EPB41L1: variants seen among roughly 807,000 people sequenced by gnomAD.
EPB41L1 encodes the protein band 4.1-like protein 1.
In EPB41L1, 29 loss-of-function variants were observed where a neutral mutation model predicts 97.8. The ratio of observed to expected loss-of-function variants is 0.30; its 90% CI spans 0.22 to 0.40. The LOEUF is 0.40. EPB41L1 is among the 10% of genes least tolerant of loss of function. The pLI, the probability that EPB41L1 is intolerant of heterozygous loss-of-function variation, is 1.00. For synonymous variants in EPB41L1, 383 were observed against 459.2 expected (o/e 0.83, Z 2.12); for missense variants, 812 against 1,162.3 (o/e 0.70, Z 4.38).
At chr20:36,174,488 G>A (rs1485733453) in intron 2 of EPB41L1, among the ~76,000 whole-genome samples, 1 of 152,020 alleles carries the variant, frequency 6.6e-6, no homozygotes, top group Admixed American at 6.6e-5. Flanking sequence ...GGCCAGGCTG[G>A]TCTCAAACTC....
rs2064532231 is a variant in EPB41L1, at chr20:36,232,457, CT to C, written c.*3120del. On this transcript the variant is annotated 3_prime_UTR_variant, in exon 22 of 22. Transcript: ENST00000338074. ...AGATGCTCTCCAGGGTCTTTTTCTACTTTGCTATCTCATGGGTCTTCATTTT... is the reference window on the plus strand; with the variant it reads ...AGATGCTCTCCAGGGTCTTTTTCTACTTGCTATCTCATGGGTCTTCATTTT... 2.5e-6 allele frequency: 1 copy of C among 397,252 alleles called. No homozygotes were observed. The highest frequency in any genetic ancestry group is 4.4e-6 in the Non-Finnish European group (1 of 225,512). 24.6% of individuals were successfully genotyped at this position (397,252 alleles called of 1,614,324 possible).
intron 1 of EPB41L1, among the ~76,000 whole-genome samples, chr20:36,172,943 C>T (rs1211257919): frequency 6.6e-6 from 1 of 152,212 alleles, no homozygotes; most frequent in Admixed American, 6.5e-5. Flanking sequence ...GCCATTCTCT[C>T]TCTCTCTTTC....
At chr20:36,208,958 C>T (rs2062979332) in intron 14 of EPB41L1, among the ~76,000 whole-genome samples, 2 of 152,220 alleles carry the variant, frequency 1.3e-5, no homozygotes, top group Non-Finnish European at 2.9e-5. Context: ...ATGCTGACCC[C>T]TCCCCCGGAG....
rs1600871624 is a variant in EPB41L1, at chr20:36,195,344, A to C, written c.1465A>C (p.Thr489Pro). ...IKELKPEQETTPRHKQEFLDK... is the reference protein window; with the variant it reads ...IKELKPEQETPPRHKQEFLDK... ...ATCCCACTAGCCGGAGCAGGAAACC[A>C]CGCCGAGACACAAGCAGGAGGTACT... Residue 489 changes from threonine (T) to proline (P), a missense_variant, in exon 13 of 22, where the codon ACG becomes CCG. Thr to Pro is a conservative substitution (Grantham distance 38, BLOSUM62 -1). Around this residue, in one of 3 missense-constraint regions of EPB41L1, gnomAD observed 498 missense variants for 622.7 expected, o/e 0.80. Transcript: ENST00000338074. The surrounding 1 kb of genome is among the most constrained non-coding windows in gnomAD (Gnocchi z 4.6). The C allele has an allele frequency of 1.2e-6, 2 of 1,613,692 alleles. No individual in the cohort carries two copies. The highest frequency in any genetic ancestry group is 4.5e-5 in the East Asian group (2 of 44,842).
At position 36,101,718 on chromosome 20, in the gene EPB41L1, C is replaced by G. The variant is rs143169172; in HGVS notation, c.-65+10106C>G. On this transcript the variant is annotated intron_variant, in intron 1 of 19. Transcript: ENST00000202028. The stretch of plus-strand genomic sequence containing the variant: ...GAGCATGCTAAAAAGCAAAATAAAA[C>G]AAAACAAAACCTGTGTGCCATGGCT... Among the ~76,000 whole-genome samples, 626 of 152,156 alleles carry G rather than the reference C, an allele frequency of 4.1e-3. 6 individuals are homozygous for G. The highest frequency in any genetic ancestry group is 0.014 in the African/African-American group (582 of 41,518).
intron 1 of EPB41L1, among the ~76,000 whole-genome samples, chr20:36,106,792 A>T (rs1569020883): frequency 6.6e-6 from 1 of 152,234 alleles, no homozygotes. Context: ...ACATGTGGCT[A>T]GTGGACATGT....
intron 2 of EPB41L1, among the ~76,000 whole-genome samples, chr20:36,122,955 C>T (rs1443109111): frequency 1.3e-5 from 2 of 152,082 alleles, no homozygotes; most frequent in Non-Finnish European, 2.9e-5. Context: ...GACCCTTGCT[C>T]GCTTCCTGGA....
At chr20:36,188,631 CACACACACACAGAGAGAGAG>C (rs2061795389) in intron 9 of EPB41L1, 132 bp downstream of exon 9, 5 of 640,086 alleles carry the variant, frequency 7.8e-6, no homozygotes, top group Non-Finnish European at 7.2e-6. Context: ...CACACACACA[CACACACACACAGAGAGAGAG>C]AGAGAGAGAG....
At chr20:36,124,746 T>C (rs2058893460) in intron 2 of EPB41L1, among the ~76,000 whole-genome samples, 1 of 152,166 alleles carries the variant, frequency 6.6e-6, no homozygotes, top group Admixed American at 6.5e-5. Context: ...TGGCGCACAG[T>C]AGGTATTCAA....
intron 1 of EPB41L1, among the ~76,000 whole-genome samples, chr20:36,163,535 G>GAAACC (rs2060616851): frequency 6.6e-6 from 1 of 152,166 alleles, no homozygotes; most frequent in Admixed American, 6.6e-5. Context: ...GCATCAGGTG[G>GAAACC]TGGATCAGTC....
In EPB41L1 at chr20:36,162,587, G is replaced by C. The variant is rs6142522; in HGVS notation, c.-15+7691G>C. ...ACAGCCAGCATGTTGCCCAGCTCTCGGAGGATACCCTGCTAACGGGAGGTC... is the reference window on the plus strand; with the variant it reads ...ACAGCCAGCATGTTGCCCAGCTCTCCGAGGATACCCTGCTAACGGGAGGTC... On this transcript the variant is annotated intron_variant, in intron 1 of 21. Coordinates refer to ENST00000338074, the MANE Select transcript of EPB41L1 (RefSeq NM_012156.2). Among the ~76,000 whole-genome samples, 303 of 152,274 alleles carry C rather than the reference G, an allele frequency of 2.0e-3. 8 individuals are homozygous for C. The East Asian group carries it at 0.052, about 26-fold the overall frequency.
intron 1 of EPB41L1, among the ~76,000 whole-genome samples, chr20:36,159,588 C>T (rs865933098): frequency 4.6e-5 from 7 of 152,168 alleles, no homozygotes; most frequent in Non-Finnish European, 1.0e-4. Context: ...ATTGTTTCGT[C>T]GCAGCATGTT....
chr20:36,169,446 A>T (rs1267931630), intron 1 of EPB41L1, among the ~76,000 whole-genome samples: 1 of 152,040 alleles, frequency 6.6e-6, no homozygotes, highest in African/African-American at 2.4e-5. Context: ...GCTGGCAGCA[A>T]CGCTTAGTGT....
chr20:36,196,790 A>G, intron 13 of EPB41L1, among the ~76,000 whole-genome samples: 1 of 152,338 alleles, frequency 6.6e-6, no homozygotes, highest in South Asian at 2.1e-4. Flanking sequence ...CTTGCAGATA[A>G]GCGTCCTTGG....
At chr20:36,201,047 A>ATT (rs1489214726) in intron 14 of EPB41L1, 16 of 445,814 alleles carry the variant, frequency 3.6e-5, no homozygotes, top group African/African-American at 3.2e-4. Flanking sequence ...GTCTTAAGAA[A>ATT]ACCCTTTCTC....
At chr20:36,197,630 TCTC>T (rs1569285693) in intron 13 of EPB41L1, 11 of 985,230 alleles carry the variant, frequency 1.1e-5, no homozygotes, top group Non-Finnish European at 1.3e-5. Flanking sequence ...TGACTAGACA[TCTC>T]CTCTTTTTCA....
At chr20:36,094,888 G>A (rs1253510287) in intron 1 of EPB41L1, among the ~76,000 whole-genome samples, 2 of 151,668 alleles carry the variant, frequency 1.3e-5, no homozygotes, top group Non-Finnish European at 2.9e-5. Flanking sequence ...TGCAGCCTCC[G>A]CCTCCTGGGT....
intron 19 of EPB41L1, 44 bp from the exon 20 acceptor site, chr20:36,221,820 C>A: frequency 6.3e-7 from 1 of 1,579,136 alleles, no homozygotes; most frequent in Non-Finnish European, 8.7e-7. Flanking sequence ...GGCTGCTGCC[C>A]CAACAGGACC....
chr20:36,195,995 C>T lies in EPB41L1; in HGVS notation c.1485+631C>T, dbSNP rs778341654. Among the ~76,000 whole-genome samples, 10 of 152,214 alleles carry T rather than the reference C, an allele frequency of 6.6e-5. No homozygotes were observed. In the East Asian group the frequency reaches 7.7e-4, roughly 12 times the overall value. On this transcript the variant is annotated intron_variant, in intron 13 of 21. Coordinates refer to ENST00000338074, the MANE Select transcript of EPB41L1 (RefSeq NM_012156.2). This position sits in a 1 kb window ranked among gnomAD's most constrained non-coding sequence, Gnocchi z 4.6. Reference sequence around the variant, plus strand: ...CCTCCTCCTTTTCTCCTCCTTTCCTCGTCTTCTTCCCATTTGTTGCTTCCC... The same window carrying T: ...CCTCCTCCTTTTCTCCTCCTTTCCTTGTCTTCTTCCCATTTGTTGCTTCCC...
Sources: allele counts gnomAD v4.1 joint callset (sites outside exome capture counted in the v4.1 genomes callset), GRCh38; gene constraint gnomAD v4.1.1; regional missense constraint gnomAD v4.1.1; non-coding constraint Gnocchi (gnomAD v3.1); transcripts MANE v1.5; gene names NCBI Gene and HGNC (gene_info 2026-07-23, HGNC 2026-07-21).